Variants in UMAD1 observed in about 807,000 individuals in gnomAD.
UMAD1 encodes the protein UBAP1-MVB12-associated (UMA) domain containing 1.
UMAD1 carries 8 observed loss-of-function variants against 6.1 expected under a neutral mutation model. The ratio of observed to expected loss-of-function variants is 1.30; its 90% confidence interval spans 0.76 to 2.35. The LOEUF is 2.35. UMAD1 is among the 30% of genes most tolerant of loss of function. The pLI is 0.00. For missense variants in UMAD1, 130 were observed against 78.4 expected (o/e 1.66, Z -2.49); for synonymous variants, 56 against 31.4 (o/e 1.78, Z -2.61).
intron 2 of UMAD1, among the ~76,000 whole-genome samples, chr7:7,790,979 C>T (rs1202315521): frequency 2.0e-5 from 3 of 152,208 alleles, no homozygotes; most frequent in African/African-American, 7.2e-5. Flanking sequence ...CAACCTCCGC[C>T]TCCCGGGCTC....
chr7:7,709,738 C>G (rs1419100255), intron 2 of UMAD1, among the ~76,000 whole-genome samples: 1 of 151,936 alleles, frequency 6.6e-6, no homozygotes, highest in African/African-American at 2.4e-5. Context: ...TTATTCTTAG[C>G]TCTTGCTTAT....
intron 1 of UMAD1, among the ~76,000 whole-genome samples, chr7:7,653,564 A>T (rs1785274773): frequency 6.6e-6 from 1 of 152,244 alleles, no homozygotes; most frequent in East Asian, 1.9e-4. Context: ...GCACTAGGTG[A>T]TCATACCCAT....
At chr7:7,846,601 A>T (rs1221051586) in intron 3 of UMAD1, among the ~76,000 whole-genome samples, 1 of 151,922 alleles carries the variant, frequency 6.6e-6, no homozygotes, top group East Asian at 1.9e-4. Flanking sequence ...ATCATGGTAA[A>T]ATTTTGATAT....
intron 3 of UMAD1, among the ~76,000 whole-genome samples, chr7:7,870,611 C>G (rs1271673566): frequency 6.6e-6 from 1 of 152,218 alleles, no homozygotes; most frequent in South Asian, 2.1e-4. Context: ...CCCCAGCCCC[C>G]ACCACTGCTT....
At chr7:7,722,316 T>C (rs1401501243) in intron 2 of UMAD1, among the ~76,000 whole-genome samples, 1 of 152,072 alleles carries the variant, frequency 6.6e-6, no homozygotes, top group East Asian at 1.9e-4. Flanking sequence ...GTTCCTTCGT[T>C]GGTTTTGGGG....
chr7:7,727,123 G>A (rs1009086803), intron 2 of UMAD1, among the ~76,000 whole-genome samples: 11 of 152,164 alleles, frequency 7.2e-5, no homozygotes, highest in African/African-American at 2.4e-4. Flanking sequence ...GAATGGGTAG[G>A]ATAAAAAGGT....
At chr7:7,773,343 C>G (rs1387247054) in intron 2 of UMAD1, among the ~76,000 whole-genome samples, 1 of 152,094 alleles carries the variant, frequency 6.6e-6, no homozygotes, top group Non-Finnish European at 1.5e-5. Context: ...TTATACTTTT[C>G]TTGATAAATT....
intron 2 of UMAD1, among the ~76,000 whole-genome samples, chr7:7,799,667 A>G (rs557908587): frequency 2.2e-4 from 33 of 152,240 alleles, no homozygotes; most frequent in Non-Finnish European, 3.7e-4. Flanking sequence ...ACCTTGTTGT[A>G]CAGACATTTG....
chr7:7,657,324 C>A (rs1583700599), intron 1 of UMAD1, among the ~76,000 whole-genome samples: 1 of 152,136 alleles, frequency 6.6e-6, no homozygotes, highest in Non-Finnish European at 1.5e-5. Context: ...TAATTAGATC[C>A]CATTTGTCAA....
At chr7:7,859,259 A>T (rs909904309) in intron 3 of UMAD1, among the ~76,000 whole-genome samples, 1 of 152,208 alleles carries the variant, frequency 6.6e-6, no homozygotes, top group African/African-American at 2.4e-5. Flanking sequence ...CTTCTTAATA[A>T]TTATAAAGAT....
At chr7:7,778,792 C>T (rs1430630161) in intron 2 of UMAD1, among the ~76,000 whole-genome samples, 2 of 152,124 alleles carry the variant, frequency 1.3e-5, no homozygotes, top group African/African-American at 2.4e-5. Context: ...GCTGCTGCTT[C>T]GTTACCTATT....
chr7:7,675,904 C>A (rs1583721805), intron 2 of UMAD1, among the ~76,000 whole-genome samples: 1 of 152,286 alleles, frequency 6.6e-6, no homozygotes, highest in East Asian at 1.9e-4. Context: ...TGATGCTTGT[C>A]TCTGTTTAGC....
chr7:7,644,734 C>A (rs563930019), intron 1 of UMAD1, among the ~76,000 whole-genome samples: 1 of 152,248 alleles, frequency 6.6e-6, no homozygotes, highest in South Asian at 2.1e-4. Context: ...TACCTATTTT[C>A]TTTAATAGTG....
chr7:7,655,866 G>A (rs753399482), intron 1 of UMAD1, among the ~76,000 whole-genome samples: 2 of 151,232 alleles, frequency 1.3e-5, no homozygotes, highest in South Asian at 4.2e-4. Context: ...ACAGAGTTTC[G>A]CTCTTGTTCC....
chr7:7,863,288 T>C (rs1198640990), intron 3 of UMAD1, among the ~76,000 whole-genome samples: 1 of 152,220 alleles, frequency 6.6e-6, no homozygotes, highest in Non-Finnish European at 1.5e-5. Context: ...AGCTTCCCTG[T>C]CAAATTTAGT....
intron 2 of UMAD1, among the ~76,000 whole-genome samples, chr7:7,713,919 C>T (rs1180597064): frequency 6.6e-6 from 1 of 152,174 alleles, no homozygotes; most frequent in Admixed American, 6.5e-5. Context: ...ACTGCAGCCT[C>T]GACCTCCTAG....
chr7:7,664,201 C>G (rs1409014999), intron 1 of UMAD1, among the ~76,000 whole-genome samples: 1 of 151,862 alleles, frequency 6.6e-6, no homozygotes, highest in African/African-American at 2.4e-5. Flanking sequence ...AGATAAAGTC[C>G]CCTACTTTTC....
chr7:7,665,953 TTCCA>T, intron 1 of UMAD1, among the ~76,000 whole-genome samples: 1 of 152,322 alleles, frequency 6.6e-6, no homozygotes, highest in Admixed American at 6.5e-5. Context: ...TTTGGGTTGT[TTCCA>T]TTTTTTGGTT....
chr7:7,839,197 C>T (rs1322871252), intron 3 of UMAD1, among the ~76,000 whole-genome samples: 1 of 152,146 alleles, frequency 6.6e-6, no homozygotes, highest in Non-Finnish European at 1.5e-5. Context: ...AGTATGGAAA[C>T]AGCAAGGGTG....
Sources: allele counts gnomAD v4.1 joint callset (sites outside exome capture counted in the v4.1 genomes callset), GRCh38; gene constraint gnomAD v4.1.1; transcripts MANE v1.5; gene names NCBI Gene and HGNC (gene_info 2026-07-23, HGNC 2026-07-21).